The following COG3 variants were observed in gnomAD, a reference collection of about 807,000 sequenced individuals.
COG3 encodes the protein conserved oligomeric Golgi complex subunit 3.
COG3 carries 32 observed loss-of-function variants against 114.1 expected under a neutral mutation model. That is an observed-to-expected ratio of 0.28 (90% CI 0.21 to 0.38). The LOEUF (loss-of-function observed/expected upper bound fraction) is 0.38, where lower values mean the gene tolerates loss of function less well. COG3 is among the 10% of genes least tolerant of loss of function. The probability of loss-of-function intolerance (pLI) is 1.00; values close to 1 mark genes in which losing one functional copy is unlikely to be tolerated. For synonymous variants in COG3, 352 were observed against 365.7 expected (o/e 0.96, Z 0.43); for missense variants, 813 against 973.2 (o/e 0.84, Z 2.19).
chr13:45,514,680 C>T (rs1003081425), intron 16 of COG3, among the ~76,000 whole-genome samples: 4 of 151,776 alleles, frequency 2.6e-5, no homozygotes, highest in Non-Finnish European at 5.9e-5. Flanking sequence ...TGGAGTCTCC[C>T]TCTGTCGCCC....
At chr13:45,480,903 T>C (rs1422276858) in intron 4 of COG3, among the ~76,000 whole-genome samples, 2 of 152,224 alleles carry the variant, frequency 1.3e-5, no homozygotes, top group Admixed American at 6.5e-5. Context: ...ATTGTACCAA[T>C]GGTGAGATTT....
In COG3 at chr13:45,515,994, C is replaced by T. The variant is rs191665086; in HGVS notation, c.1810-149C>T. 9.4e-5 allele frequency: 46 copies of T among 488,220 alleles called. No homozygotes were observed. The East Asian group carries it at 1.2e-3, about 13-fold the overall frequency. 30.2% of individuals were successfully genotyped at this position (488,220 alleles called of 1,614,324 possible). A position where few individuals can be genotyped will look rare whatever the true frequency, so the allele number is the denominator to read the frequency against. ...GCAAGATTTTTTAACTTAATTCTAGCATGGGGAGAGTTCATTGCACAACTA... is the reference window on the plus strand; with the variant it reads ...GCAAGATTTTTTAACTTAATTCTAGTATGGGGAGAGTTCATTGCACAACTA... On this transcript the variant is annotated intron_variant, in intron 16 of 22. Coordinates refer to ENST00000349995, the MANE Select transcript of COG3 (RefSeq NM_031431.4).
At chr13:45,524,518 C>T (rs1420180628) in intron 19 of COG3, among the ~76,000 whole-genome samples, 3 of 152,212 alleles carry the variant, frequency 2.0e-5, no homozygotes, top group Non-Finnish European at 4.4e-5. Flanking sequence ...GACATTCTCT[C>T]TGCCTGTGAT....
chr13:45,496,148 T>A lies in COG3; in HGVS notation c.1328-4T>A, dbSNP rs1271947194. ...AAGAATGGATGATTGCACTTTTTTA[T>A]CAGCTGAGCAACTGGGGGCATTTGC... On this transcript the variant is annotated splice_polypyrimidine_tract_variant and splice_region_variant and intron_variant, in intron 12 of 22. Coordinates refer to ENST00000349995, the MANE Select transcript of COG3 (RefSeq NM_031431.4). 6.9e-6 allele frequency: 11 copies of A among 1,604,162 alleles called. No homozygotes were observed. The highest frequency in any genetic ancestry group is 8.5e-6 in the Non-Finnish European group (10 of 1,174,712).
intron 8 of COG3, among the ~76,000 whole-genome samples, chr13:45,488,734 G>C (rs12877513): frequency 0.086 from 13,032 of 151,998 alleles, 710 homozygotes; most frequent in African/African-American, 0.14. Context: ...AGCATGGAGG[G>C]GGCAAAGATC....
intron 7 of COG3, among the ~76,000 whole-genome samples, 155 bp from the exon 8 acceptor site, chr13:45,486,325 CGGGAGACGGGAGACG>C (rs1184331419): frequency 1.8e-4 from 5 of 27,934 alleles, no homozygotes; most frequent in East Asian, 1.0e-3. Context: ...AGACGGGAGA[CGGGAGACGGGAGACG>C]GGAGAGGGAG....
intron 16 of COG3, among the ~76,000 whole-genome samples, chr13:45,512,257 G>A (rs1257379534): frequency 6.6e-6 from 1 of 152,200 alleles, no homozygotes; most frequent in Admixed American, 6.5e-5. Flanking sequence ...AAATGAGTCA[G>A]TCAATTTTGA....
intron 22 of COG3, among the ~76,000 whole-genome samples, chr13:45,532,986 C>T (rs1873303396): frequency 6.6e-6 from 1 of 151,822 alleles, no homozygotes; most frequent in East Asian, 1.9e-4. Flanking sequence ...CAGGAACAGG[C>T]AGGGTGGGGC....
intron 15 of COG3, among the ~76,000 whole-genome samples, chr13:45,510,515 G>T (rs951043867): frequency 6.6e-6 from 1 of 152,200 alleles, no homozygotes; most frequent in African/African-American, 2.4e-5. Context: ...ATTAGGCTGA[G>T]ATTCAGCAAC....
chr13:45,504,320 C>T (rs1444319209), intron 14 of COG3, among the ~76,000 whole-genome samples: 1 of 152,194 alleles, frequency 6.6e-6, no homozygotes, highest in Non-Finnish European at 1.5e-5. Context: ...GGAGGGAGGA[C>T]CCACAGAGGG....
intron 17 of COG3, among the ~76,000 whole-genome samples, chr13:45,516,591 T>A (rs994210062): frequency 6.6e-6 from 1 of 152,232 alleles, no homozygotes; most frequent in African/African-American, 2.4e-5. Flanking sequence ...CTAGTTGGGA[T>A]GATTTTAAGC....
intron 14 of COG3, among the ~76,000 whole-genome samples, chr13:45,507,028 C>T (rs1032988109): frequency 2.6e-5 from 4 of 152,194 alleles, no homozygotes; most frequent in African/African-American, 9.7e-5. Flanking sequence ...GCCCTGGTCC[C>T]GGGGCCTGCT....
chr13:45,514,157 C>CTTTTTTTTT (rs57033822), intron 16 of COG3, among the ~76,000 whole-genome samples: 12 of 93,852 alleles, frequency 1.3e-4, no homozygotes, highest in South Asian at 4.0e-4. Flanking sequence ...TGTCCTCTCT[C>CTTTTTTTTT]TTTTTTTTTT....
At chr13:45,509,656 G>T in intron 14 of COG3, 36 bp from the exon 15 acceptor site, 2 of 1,608,200 alleles carry the variant, frequency 1.2e-6, no homozygotes, top group Non-Finnish European at 1.7e-6. Context: ...ATATCCACAT[G>T]TGTGAAATGT....
intron 22 of COG3, among the ~76,000 whole-genome samples, chr13:45,531,618 G>A (rs899656862): frequency 6.6e-6 from 1 of 151,440 alleles, no homozygotes; most frequent in African/African-American, 2.4e-5. Context: ...TGCAATTCTT[G>A]TGCCTCAGCC....
chr13:45,477,558 C>G (rs1885952373), intron 2 of COG3, among the ~76,000 whole-genome samples: 1 of 152,098 alleles, frequency 6.6e-6, no homozygotes. Context: ...CCCCGCATCC[C>G]CCTTTTAAAT....
chr13:45,514,804 T>A (rs1871368532), intron 16 of COG3, among the ~76,000 whole-genome samples: 1 of 151,992 alleles, frequency 6.6e-6, no homozygotes, highest in Admixed American at 6.6e-5. Flanking sequence ...CCCACCACCA[T>A]GCCCGGCTAA....
intron 19 of COG3, 70 bp downstream of exon 19, chr13:45,519,164 T>A: frequency 6.5e-7 from 1 of 1,539,236 alleles, no homozygotes; most frequent in Non-Finnish European, 8.9e-7. Context: ...TGAATTACTC[T>A]CTTGTGTAAA....
intron 22 of COG3, among the ~76,000 whole-genome samples, chr13:45,533,014 G>A (rs1226382759): frequency 6.6e-6 from 1 of 152,060 alleles, no homozygotes; most frequent in South Asian, 2.1e-4. Flanking sequence ...AGACACACGG[G>A]GGTTCAGTCA....
Sources: allele counts gnomAD v4.1 joint callset (sites outside exome capture counted in the v4.1 genomes callset), GRCh38; gene constraint gnomAD v4.1.1; transcripts MANE v1.5; gene names NCBI Gene and HGNC (gene_info 2026-07-23, HGNC 2026-07-21).